The following RAD51B variants were observed in gnomAD, a reference collection of about 807,000 sequenced individuals.
The protein encoded by RAD51B is RAD51 paralog B.
Under a neutral mutation model 42.2 loss-of-function variants are expected in RAD51B, and 38 were observed. The ratio of observed to expected loss-of-function variants is 0.90; its 90% CI spans 0.70 to 1.18. The LOEUF (loss-of-function observed/expected upper bound fraction) is 1.18. Among genes scored for constraint, RAD51B ranks in the 50% most tolerant of loss-of-function variants. The pLI, the probability that RAD51B is intolerant of heterozygous loss-of-function variation, is 0.00. For missense variants in RAD51B, 373 were observed against 400.7 expected (o/e 0.93, Z 0.59); for synonymous variants, 154 against 145.2 (o/e 1.06, Z -0.43).
intron 4 of RAD51B, among the ~76,000 whole-genome samples, chr14:67,858,654 C>T (rs975830238): frequency 5.3e-5 from 8 of 152,176 alleles, no homozygotes; most frequent in African/African-American, 9.7e-5. Flanking sequence ...CAGAGGAAAG[C>T]GTGCCAAACA....
At chr14:67,946,517 G>A (rs113159752) in intron 7 of RAD51B, among the ~76,000 whole-genome samples, 127 of 152,172 alleles carry the variant, frequency 8.3e-4, no homozygotes, top group African/African-American at 2.9e-3. Flanking sequence ...ACAGGCACTC[G>A]CCACCATGCC....
chr14:67,851,884 G>A (rs1329330260), intron 4 of RAD51B, among the ~76,000 whole-genome samples: 2 of 152,164 alleles, frequency 1.3e-5, no homozygotes, highest in Admixed American at 1.3e-4. Flanking sequence ...TGTGCTGGCG[G>A]CCCAAGTCAG....
chr14:68,278,182 G>A (rs1005670445), intron 7 of RAD51B, among the ~76,000 whole-genome samples: 8 of 152,218 alleles, frequency 5.3e-5, no homozygotes, highest in African/African-American at 1.9e-4. Flanking sequence ...AGAAAAAAAT[G>A]TACAAGGTAG....
chr14:68,285,839 C>T (rs12323739), intron 7 of RAD51B, among the ~76,000 whole-genome samples: 5,595 of 152,064 alleles, frequency 0.037, 351 homozygotes, highest in African/African-American at 0.13. Flanking sequence ...CCGTGGGCGC[C>T]GGAAATGATA....
At chr14:68,104,560 A>G (rs930983394) in intron 7 of RAD51B, among the ~76,000 whole-genome samples, 1 of 152,192 alleles carries the variant, frequency 6.6e-6, no homozygotes, top group Non-Finnish European at 1.5e-5. Context: ...TCCCCACTTC[A>G]TTGCATATTC....
At chr14:68,623,748 T>A (rs1487915140) in intron 10 of RAD51B, among the ~76,000 whole-genome samples, 9 of 152,118 alleles carry the variant, frequency 5.9e-5, no homozygotes, top group African/African-American at 2.2e-4. Context: ...TAAGGCAGAC[T>A]TCTTAGAAGG....
chr14:67,891,401 G>A (rs964940194), intron 7 of RAD51B, among the ~76,000 whole-genome samples: 33 of 151,898 alleles, frequency 2.2e-4, no homozygotes, highest in African/African-American at 7.5e-4. Context: ...CTAATTTATT[G>A]CTTATCAAGG....
Position 68,094,801 on chromosome 14 carries a change from G to C in RAD51B, c.757-197083G>C, listed in dbSNP as rs2077164402. 2.6e-5 allele frequency among the ~76,000 whole-genome samples: 4 copies of C among 152,188 alleles called. No individual in the cohort carries two copies. The South Asian group carries it at 8.3e-4, about 32-fold the overall frequency. On this transcript the variant is annotated intron_variant, in intron 7 of 10. Coordinates refer to ENST00000471583, the MANE Select transcript of RAD51B (RefSeq NM_133510.4). ...GGAAAAAGTTAATTGAAGAAAAGTAGAAATCAAATATTTCAGTTGTTCTGA... is the reference window on the plus strand; with the variant it reads ...GGAAAAAGTTAATTGAAGAAAAGTACAAATCAAATATTTCAGTTGTTCTGA...
downstream of RAD51B, among the ~76,000 whole-genome samples, chr14:68,600,371 C>T (rs923402389): frequency 6.6e-6 from 1 of 152,130 alleles, no homozygotes; most frequent in African/African-American, 2.4e-5. Context: ...TGCTGGTGGC[C>T]CCTTGAGTTT....
chr14:68,477,538 A>G (rs2140253631), intron 10 of RAD51B, 110 bp from the exon 11 acceptor site: 1 of 1,302,692 alleles, frequency 7.7e-7, no homozygotes, highest in South Asian at 1.4e-5. Flanking sequence ...TACGTATGAA[A>G]GAGGACTGCT....
At chr14:68,193,540 C>CT (rs1260225357) in intron 7 of RAD51B, among the ~76,000 whole-genome samples, 1 of 152,066 alleles carries the variant, frequency 6.6e-6, no homozygotes, top group East Asian at 1.9e-4. Context: ...CTACAGAGGG[C>CT]TAAAGGGATG....
chr14:68,574,092 T>TTTTGTTTGTTTG lies in RAD51B; in HGVS notation c.1037-20381_1037-20370dup, dbSNP rs139231266. On this transcript the variant is annotated intron_variant, in intron 10 of 10. Transcript: ENST00000487270. ...AAGCTGAGGGTGAGAAATAGCTACT[T>TTTTGTTTGTTTG]TTTGTTTGTTTGTTTGTTTGTTTTT... Among the ~76,000 whole-genome samples the TTTTGTTTGTTTG allele has an allele frequency of 3.8e-3, 582 of 151,698 alleles. 1 individual carries two copies. The highest frequency in any genetic ancestry group is 6.8e-3 in the Middle Eastern group (2 of 294).
chr14:67,837,007 A>C (rs2041265924), intron 4 of RAD51B, among the ~76,000 whole-genome samples: 1 of 151,826 alleles, frequency 6.6e-6, no homozygotes, highest in African/African-American at 2.4e-5. Flanking sequence ...TTCCTTGGAG[A>C]TAGGGACCCT....
At chr14:68,295,553 T>C (rs2081597955) in intron 8 of RAD51B, among the ~76,000 whole-genome samples, 1 of 152,096 alleles carries the variant, frequency 6.6e-6, no homozygotes. Flanking sequence ...CCAGCTAAGA[T>C]AGGAGCTCTT....
chr14:67,957,481 C>G (rs984142239), intron 7 of RAD51B, among the ~76,000 whole-genome samples: 1 of 152,064 alleles, frequency 6.6e-6, no homozygotes, highest in East Asian at 1.9e-4. Flanking sequence ...ATCTGTGGAT[C>G]CTACAGTCAA....
intron 11 of RAD51B, among the ~76,000 whole-genome samples, chr14:68,662,274 G>A (rs905089438): frequency 7.9e-5 from 12 of 152,176 alleles, no homozygotes; most frequent in Non-Finnish European, 1.6e-4. Context: ...GCCCCATCCC[G>A]GGCATGTATA....
chr14:68,412,000 G>A (rs1566867862), intron 9 of RAD51B, among the ~76,000 whole-genome samples: 1 of 152,192 alleles, frequency 6.6e-6, no homozygotes, highest in Non-Finnish European at 1.5e-5. Context: ...CACCTGTAGT[G>A]TAAAGTACTG....
intron 7 of RAD51B, among the ~76,000 whole-genome samples, chr14:67,948,477 C>T (rs540463356): frequency 6.6e-6 from 1 of 152,216 alleles, no homozygotes; most frequent in Admixed American, 6.5e-5. Flanking sequence ...CAGTATACAG[C>T]CATACCTTGT....
chr14:68,625,480 T>C (rs1892056845), intron 10 of RAD51B, among the ~76,000 whole-genome samples: 1 of 152,192 alleles, frequency 6.6e-6, no homozygotes, highest in African/African-American at 2.4e-5. Flanking sequence ...CTATTTTTAT[T>C]TATTTTTTAT....
Sources: allele counts gnomAD v4.1 joint callset (sites outside exome capture counted in the v4.1 genomes callset), GRCh38; gene constraint gnomAD v4.1.1; transcripts MANE v1.5; gene names NCBI Gene and HGNC (gene_info 2026-07-23, HGNC 2026-07-21).